Variants in SMYD3 observed in about 807,000 individuals in gnomAD.
SMYD3 encodes the protein histone-lysine N-methyltransferase SMYD3.
In SMYD3, 36 loss-of-function variants were observed where a neutral mutation model predicts 57.7. The ratio of observed to expected loss-of-function variants is 0.62; its 90% CI spans 0.48 to 0.82. The LOEUF (loss-of-function observed/expected upper bound fraction) is 0.82. Among genes scored for constraint, SMYD3 ranks in the 40% least tolerant of loss-of-function variants. The pLI is 0.00. For synonymous variants in SMYD3, 211 were observed against 195.0 expected, an observed-to-expected ratio of 1.08 and a Z score of -0.68; for missense variants, 515 against 538.8, an observed-to-expected ratio of 0.96 and a Z score of 0.44.
At chr1:246,501,700 A>G (rs983429321) in intron 1 of SMYD3, among the ~76,000 whole-genome samples, 26 of 152,180 alleles carry the variant, frequency 1.7e-4, no homozygotes, top group African/African-American at 6.3e-4. Flanking sequence ...ATGCTAACCT[A>G]GCAATCCTAG....
At chr1:246,139,092 A>G (rs1238169182) in intron 5 of SMYD3, among the ~76,000 whole-genome samples, 1 of 152,220 alleles carries the variant, frequency 6.6e-6, no homozygotes, top group Non-Finnish European at 1.5e-5. Context: ...AGTCTAATCA[A>G]TAAGGAGTAA....
chr1:246,455,312 C>T (rs1490243010), intron 1 of SMYD3, among the ~76,000 whole-genome samples: 1 of 152,100 alleles, frequency 6.6e-6, no homozygotes, highest in Non-Finnish European at 1.5e-5. Context: ...CTTATAAGAA[C>T]TGAATGGAAT....
chr1:246,178,539 G>A (rs1378134463), intron 5 of SMYD3, among the ~76,000 whole-genome samples: 3 of 152,110 alleles, frequency 2.0e-5, no homozygotes, highest in African/African-American at 2.4e-5. Flanking sequence ...ATACCTGCTC[G>A]ATCAATATTT....
intron 11 of SMYD3, among the ~76,000 whole-genome samples, chr1:245,751,648 G>T (rs76236612): frequency 6.6e-6 from 1 of 152,032 alleles, no homozygotes; most frequent in South Asian, 2.1e-4. Flanking sequence ...AAGGGCCAGC[G>T]CCTCAGACCC....
At chr1:246,100,410 C>T (rs1428838567) in intron 5 of SMYD3, among the ~76,000 whole-genome samples, 1 of 152,184 alleles carries the variant, frequency 6.6e-6, no homozygotes, top group East Asian at 1.9e-4. Flanking sequence ...GGAGTCACTC[C>T]AAGGCCTGTG....
chr1:246,165,423 A>G (rs1403598042), intron 5 of SMYD3, among the ~76,000 whole-genome samples: 1 of 152,166 alleles, frequency 6.6e-6, no homozygotes, highest in Non-Finnish European at 1.5e-5. Context: ...AAAATAATTG[A>G]GACTAGATAA....
chr1:246,088,374 C>G (rs918579504), intron 5 of SMYD3, among the ~76,000 whole-genome samples: 5 of 151,858 alleles, frequency 3.3e-5, no homozygotes, highest in Non-Finnish European at 7.4e-5. Context: ...CTTTGGGAGG[C>G]TGAGGCGGGC....
rs2060674675 is a variant in SMYD3, at chr1:246,083,486, T to C, written c.532-153549A>G. 9.7e-5 allele frequency among the ~76,000 whole-genome samples: 6 copies of C among 62,040 alleles called. No homozygotes were observed. In the South Asian group the frequency reaches 2.9e-3, roughly 30 times the overall value. The allele number at this position is 62,040 out of a possible 152,430, so 40.7% of individuals were successfully genotyped here. A position where few individuals can be genotyped will look rare whatever the true frequency, so the allele number is the denominator to read the frequency against. ...ATGCCCGATAATGATCGATAAATAC[T>C]GAGGGAACTCAGAGGCTGGTGCCGG... On this transcript the variant is annotated intron_variant, in intron 5 of 11. Transcript: ENST00000490107.
chr1:245,786,313 G>GT (rs2047047413), intron 10 of SMYD3, among the ~76,000 whole-genome samples: 1 of 151,606 alleles, frequency 6.6e-6, no homozygotes, highest in Non-Finnish European at 1.5e-5. Flanking sequence ...CCTAATAAAT[G>GT]TAAGTACAGT....
chr1:246,106,669 G>C (rs2061128403), intron 5 of SMYD3, among the ~76,000 whole-genome samples: 1 of 152,122 alleles, frequency 6.6e-6, no homozygotes, highest in African/African-American at 2.4e-5. Context: ...CTTCCCTCTG[G>C]TGGGTTTTCA....
At chr1:245,813,011 T>C (rs1315006368) in intron 10 of SMYD3, among the ~76,000 whole-genome samples, 1 of 101,790 alleles carries the variant, frequency 9.8e-6, no homozygotes, top group Non-Finnish European at 1.9e-5. Context: ...GCTTCTTTTT[T>C]TTTTTTTTTT....
chr1:246,382,842 C>T (rs905019016), intron 1 of SMYD3, among the ~76,000 whole-genome samples: 3 of 152,164 alleles, frequency 2.0e-5, no homozygotes, highest in Admixed American at 6.5e-5. Context: ...CCCAGACAAT[C>T]CTAGTGCCAG....
intron 5 of SMYD3, among the ~76,000 whole-genome samples, chr1:246,110,287 T>C (rs1011756385): frequency 6.6e-6 from 1 of 152,202 alleles, no homozygotes; most frequent in Non-Finnish European, 1.5e-5. Flanking sequence ...TCTTCATCTG[T>C]AAAGAGTTCA....
rs1057352781 is a variant in SMYD3, at chr1:245,751,429, C to A, written c.1186-1765G>T. 3.3e-5 allele frequency among the ~76,000 whole-genome samples: 5 copies of A among 152,082 alleles called. No homozygotes were observed. The South Asian group carries it at 8.3e-4, about 25-fold the overall frequency. On this transcript the variant is annotated intron_variant, in intron 11 of 11. Transcript: ENST00000490107. ...ATTTCAGGGGGATGGGTAATTTCAA[C>A]CTCTGTTTCTGGCTTCTTTTTTCAC...
intron 5 of SMYD3, among the ~76,000 whole-genome samples, chr1:245,958,592 C>T (rs868328757): frequency 2.0e-5 from 3 of 152,166 alleles, no homozygotes; most frequent in Admixed American, 6.5e-5. Context: ...TCTCCTCCTC[C>T]GTAGCAAAGT....
In SMYD3 at chr1:246,378,986, AAC is replaced by A. The variant is rs556500344; in HGVS notation, c.165-23894_165-23893del. Among the ~76,000 whole-genome samples, 694 of 142,748 alleles carry A rather than the reference AAC, an allele frequency of 4.9e-3. 7 individuals are homozygous for A. Among genetic ancestry groups the A allele is most frequent in the Non-Finnish European group, 4.8e-3 (315 of 66,286 alleles). 93.6% of individuals were successfully genotyped at this position (142,748 alleles called of 152,430 possible). A position where few individuals can be genotyped will look rare whatever the true frequency, so the allele number is the denominator to read the frequency against. On this transcript the variant is annotated intron_variant, in intron 1 of 11. Transcript: ENST00000490107. ...AACAAGAAGATTCCCAATGGCAATAAACTATAACATCTATTTCCCCCCAGAGA... is the reference window on the plus strand; with the variant it reads ...AACAAGAAGATTCCCAATGGCAATAATATAACATCTATTTCCCCCCAGAGA...
At chr1:245,775,259 G>A (rs1419161813) in intron 10 of SMYD3, among the ~76,000 whole-genome samples, 1 of 152,074 alleles carries the variant, frequency 6.6e-6, no homozygotes, top group Non-Finnish European at 1.5e-5. Context: ...GACGATGGCG[G>A]TTTTGTCGAG....
chr1:245,780,592 T>C (rs2046789991), intron 10 of SMYD3, among the ~76,000 whole-genome samples: 1 of 152,102 alleles, frequency 6.6e-6, no homozygotes, highest in Non-Finnish European at 1.5e-5. Context: ...TGAGGCAATG[T>C]TCTGGAATTA....
chr1:245,918,892 G>A (rs2055651243), intron 7 of SMYD3, among the ~76,000 whole-genome samples: 2 of 152,188 alleles, frequency 1.3e-5, no homozygotes, highest in Non-Finnish European at 2.9e-5. Context: ...AGTGTGCCCA[G>A]TGTGAAGCCA....
Sources: allele counts gnomAD v4.1 joint callset (sites outside exome capture counted in the v4.1 genomes callset), GRCh38; gene constraint gnomAD v4.1.1; transcripts MANE v1.5; gene names NCBI Gene and HGNC (gene_info 2026-07-23, HGNC 2026-07-21).